Variants in TBC1D7 observed in about 807,000 individuals in gnomAD.
TBC1D7 encodes the protein TBC1 domain family member 7.
In TBC1D7, 33 loss-of-function variants were observed where a neutral mutation model predicts 35.3. The ratio of observed to expected loss-of-function variants is 0.93; its 90% confidence interval spans 0.71 to 1.25. The LOEUF is 1.25. TBC1D7 is among the 50% of genes most tolerant of loss of function. The probability of loss-of-function intolerance (pLI) is 0.00; values close to 1 mark genes in which losing one functional copy is unlikely to be tolerated. For missense variants in TBC1D7, 362 were observed against 365.3 expected, an observed-to-expected ratio of 0.99 and a Z score of 0.07; for synonymous variants, 135 against 129.5, an observed-to-expected ratio of 1.04 and a Z score of -0.29.
rs528744828 is a variant in TBC1D7, at chr6:13,318,860, A to C, written c.381+2048T>G. The C allele has an allele frequency of 2.6e-5, 4 of 152,328 alleles. No individual in the cohort carries two copies. The South Asian group carries it at 8.3e-4, about 32-fold the overall frequency. The allele number at this position is 152,328 out of a possible 1,614,324, so 9.4% of individuals were successfully genotyped here. A position where few individuals can be genotyped will look rare whatever the true frequency, so the allele number is the denominator to read the frequency against. ...ACCATTTGGCAATCAGCATAGTAAA[A>C]ATTGGTTCAGGCAAGAATCATTAGT... On this transcript the variant is annotated intron_variant, in intron 4 of 7. Coordinates refer to ENST00000379300, the MANE Select transcript of TBC1D7 (RefSeq NM_016495.6).
At chr6:13,312,659 T>A (rs1054065151) in intron 5 of TBC1D7, among the ~76,000 whole-genome samples, 33 of 143,396 alleles carry the variant, frequency 2.3e-4, no homozygotes, top group Non-Finnish European at 4.6e-4. Flanking sequence ...ACCACTGCAC[T>A]CCAGCCTGGG....
intron 7 of TBC1D7, 43 bp downstream of exon 7, chr6:13,306,355 T>G: frequency 6.4e-7 from 1 of 1,556,328 alleles, no homozygotes; most frequent in Non-Finnish European, 8.6e-7. Context: ...CTTGCTAAGG[T>G]AACTTCATTT....
At chr6:13,326,965 T>C in intron 1 of TBC1D7, 59 bp from the exon 2 acceptor site, 1 of 963,026 alleles carries the variant, frequency 1.0e-6, no homozygotes, top group Non-Finnish European at 1.6e-6. Flanking sequence ...AAAGTGAGTC[T>C]AGAAACAAAG....
Position 13,309,945 on chromosome 6 carries a change from C to T in TBC1D7, c.520-2200G>A, listed in dbSNP as rs144967070. 4.8e-3 allele frequency among the ~76,000 whole-genome samples: 726 copies of T among 152,238 alleles called. 4 individuals are homozygous for T. Among genetic ancestry groups the T allele is most frequent in the Non-Finnish European group, 7.8e-3 (528 of 68,016 alleles). ...ATAAAAACATGCTCAACCTTGCTTACAACAAAATAAATGCAATATAAAATT... is the reference window on the plus strand; with the variant it reads ...ATAAAAACATGCTCAACCTTGCTTATAACAAAATAAATGCAATATAAAATT... On this transcript the variant is annotated intron_variant, in intron 5 of 7. Transcript: ENST00000379300.
intron 3 of TBC1D7, among the ~76,000 whole-genome samples, chr6:13,321,304 T>C (rs1281123407): frequency 6.6e-6 from 1 of 152,230 alleles, no homozygotes; most frequent in Admixed American, 6.5e-5. Flanking sequence ...TGAGTGCTGA[T>C]GCATCACTGA....
intron 5 of TBC1D7, among the ~76,000 whole-genome samples, chr6:13,313,267 C>G (rs762130504): frequency 4.6e-5 from 7 of 152,172 alleles, no homozygotes; most frequent in Non-Finnish European, 5.9e-5. Context: ...AAAACAATAG[C>G]CATATGCAAA....
intron 5 of TBC1D7, among the ~76,000 whole-genome samples, chr6:13,315,229 G>A (rs2439549): frequency 0.31 from 46,932 of 152,026 alleles, 7,506 homozygotes; most frequent in South Asian, 0.46. Context: ...CAACCCCTGA[G>A]ACAGCAAGAC....
At position 13,315,076 on chromosome 6, in the gene TBC1D7, A is replaced by G. The variant is rs891338085; in HGVS notation, c.519+1495T>C. Among the ~76,000 whole-genome samples the G allele has an allele frequency of 1.8e-4, 27 of 152,212 alleles. No individual in the cohort carries two copies. The East Asian group carries it at 3.5e-3, about 20-fold the overall frequency. On this transcript the variant is annotated intron_variant, in intron 5 of 7. Coordinates refer to ENST00000379300, the MANE Select transcript of TBC1D7 (RefSeq NM_016495.6). ...AGTAGGAGATCACACAGCTTTTTTT[A>G]AAAAAAGAACCTTTCCCAGCCTCTA... is the stretch of plus-strand genomic sequence containing the variant.
rs1784436941 is a variant in TBC1D7, at chr6:13,326,841, G to A, written c.58C>T (p.Arg20Cys). 1.9e-6 allele frequency: 3 copies of A among 1,612,968 alleles called. No homozygotes were observed. The highest frequency in any genetic ancestry group is 1.3e-5 in the African/African-American group (1 of 74,836). ...AATGATTTCTTTTCTTCAACTCCAC[G>A]AAACCCCACTTTCTCATAATATACT... ...RSVYYEKVGF[R>C]GVEEKKSLEI... Residue 20 changes from arginine (R) to cysteine (C), a missense_variant, in exon 2 of 8, where the codon CGT (arginine) becomes TGT (cysteine). By Grantham distance (180) the Arg-to-Cys change is radical. Transcript: ENST00000379300.
At chr6:13,327,185 A>T (rs1214566512) in intron 1 of TBC1D7, among the ~76,000 whole-genome samples, 7 of 152,204 alleles carry the variant, frequency 4.6e-5, no homozygotes, top group African/African-American at 1.7e-4. Flanking sequence ...TTCCCACTAT[A>T]CCTATGAGTG....
intron 3 of TBC1D7, among the ~76,000 whole-genome samples, chr6:13,321,740 C>T (rs968986749): frequency 6.6e-6 from 1 of 152,182 alleles, no homozygotes; most frequent in Non-Finnish European, 1.5e-5. Context: ...GTTCTAGCCT[C>T]GGACTGGATA....
At position 13,307,711 on chromosome 6, in the gene TBC1D7, T is replaced by C. The variant is rs1782906102; in HGVS notation, c.554A>G (p.Asp185Gly). 5.0e-6 allele frequency: 8 copies of C among 1,614,000 alleles called. No individual in the cohort carries two copies. The highest frequency in any genetic ancestry group is 4.0e-5 in the African/African-American group (3 of 74,926). ...KAFEQYLNLE[D>G]GRLLTHLRMC... Reference sequence around the variant, plus strand: ...CCTCAGATGAGTCAGCAGTCTGCCATCTTCCAGATTCAAGTATTGTTCAAA... The same window carrying C: ...CCTCAGATGAGTCAGCAGTCTGCCACCTTCCAGATTCAAGTATTGTTCAAA... The change falls in exon 6 of 8, where the codon GAT (aspartate) becomes GGT (glycine). Residue 185 changes from aspartate to glycine, a missense_variant. Coordinates refer to ENST00000379300, the MANE Select transcript of TBC1D7 (RefSeq NM_016495.6).
rs1337431374 is a variant in TBC1D7 at position 13,305,071 on chromosome 6, T to C, written c.*30A>G. On this transcript the variant is annotated 3_prime_UTR_variant, in exon 8 of 8. Transcript: ENST00000379300. ...AGAACACAATGCTCACTGTGGTGCC[T>C]GGCAGACGGTCCACAACCAGCGGGT... The C allele has an allele frequency of 3.2e-6, 5 of 1,560,764 alleles. No individual in the cohort carries two copies. Among genetic ancestry groups the C allele is most frequent in the African/African-American group, 2.7e-5 (2 of 73,072 alleles).
intron 4 of TBC1D7, chr6:13,320,641 T>C: frequency 3.2e-6 from 2 of 623,102 alleles, no homozygotes; most frequent in South Asian, 3.9e-5. Context: ...GGGTAAAGGG[T>C]ATATGCAAAT....
chr6:13,321,236 ATC>A, intron 3 of TBC1D7, 141 bp from the exon 4 acceptor site: 1 of 666,972 alleles, frequency 1.5e-6, no homozygotes, highest in East Asian at 2.6e-5. Flanking sequence ...ACCATGTAGA[ATC>A]TCTTTTAGAA....
chr6:13,314,150 A>T (rs1438913599), intron 5 of TBC1D7, among the ~76,000 whole-genome samples: 2 of 151,548 alleles, frequency 1.3e-5, no homozygotes, highest in Non-Finnish European at 2.9e-5. Context: ...GCTTGCAGTG[A>T]GCCGAGATTG....
At chr6:13,306,369 G>A in intron 7 of TBC1D7, 29 bp downstream of exon 7, 1 of 1,568,412 alleles carries the variant, frequency 6.4e-7, no homozygotes, top group Non-Finnish European at 8.6e-7. Context: ...TTCATTTCCA[G>A]ATTCAAAATC....
At chr6:13,306,306 T>A in intron 7 of TBC1D7, 92 bp downstream of exon 7, 2 of 1,186,672 alleles carry the variant, frequency 1.7e-6, no homozygotes, top group South Asian at 1.5e-5. Context: ...ATCATGTAAT[T>A]ATTTCTCTGA....
At chr6:13,306,594 A>C in intron 6 of TBC1D7, 67 bp from the exon 7 acceptor site, 17 of 1,252,280 alleles carry the variant, frequency 1.4e-5, no homozygotes, top group Non-Finnish European at 1.7e-5. Context: ...TAGACATCTC[A>C]AATTACAAAA....
Sources: allele counts gnomAD v4.1 joint callset (sites outside exome capture counted in the v4.1 genomes callset), GRCh38; gene constraint gnomAD v4.1.1; transcripts MANE v1.5; gene names NCBI Gene and HGNC (gene_info 2026-07-23, HGNC 2026-07-21).